The following TUSC3 variants were observed in gnomAD, a reference collection of about 807,000 sequenced individuals.
TUSC3 encodes tumor suppressor candidate 3, also known as dolichyl-diphosphooligosaccharide--protein glycosyltransferase subunit TUSC3.
In TUSC3, 45 loss-of-function variants were observed where a neutral mutation model predicts 44.8. The ratio of observed to expected loss-of-function variants is 1.00; its 90% CI spans 0.79 to 1.29. The LOEUF (loss-of-function observed/expected upper bound fraction) is 1.29, where lower values mean the gene tolerates loss of function less well. Among genes scored for constraint, TUSC3 ranks in the 50% most tolerant of loss-of-function variants. The pLI, the probability that TUSC3 is intolerant of heterozygous loss-of-function variation, is 0.00. For missense variants in TUSC3, 519 were observed against 437.9 expected (o/e 1.19, Z -1.65); for synonymous variants, 212 against 152.9 (o/e 1.39, Z -2.85).
At chr8:15,468,955 G>A (rs1182199081) in intron 1 of TUSC3, among the ~76,000 whole-genome samples, 1 of 151,254 alleles carries the variant, frequency 6.6e-6, no homozygotes, top group Non-Finnish European at 1.5e-5. Context: ...AAATAATGAG[G>A]GAGGCAGATG....
chr8:15,478,637 A>G (rs775619579), intron 1 of TUSC3, among the ~76,000 whole-genome samples: 2 of 152,166 alleles, frequency 1.3e-5, no homozygotes, highest in African/African-American at 2.4e-5. Context: ...ATAGTATTCC[A>G]TGATATATAT....
chr8:15,836,658 T>C, the TUSC3 span, among the ~76,000 whole-genome samples: 2 of 152,166 alleles, frequency 1.3e-5, no homozygotes, highest in Non-Finnish European at 2.9e-5. Flanking sequence ...TCCTATTATA[T>C]ATTAATCTAT....
the TUSC3 span, among the ~76,000 whole-genome samples, chr8:15,815,089 ATAAG>A: frequency 1.3e-5 from 2 of 152,202 alleles, no homozygotes; most frequent in African/African-American, 4.8e-5. Flanking sequence ...GTAATGAGAT[ATAAG>A]TAATGAGACA....
intron 1 of TUSC3, among the ~76,000 whole-genome samples, chr8:15,616,990 A>G (rs557989785): frequency 6.6e-5 from 10 of 152,258 alleles, no homozygotes; most frequent in Non-Finnish European, 1.5e-4. Flanking sequence ...CTTGCTGGCC[A>G]CAGAGATTTC....
At chr8:15,536,581 C>G (rs1331096383), upstream of TUSC3, among the ~76,000 whole-genome samples, 2 of 148,400 alleles carry the variant, frequency 1.3e-5, no homozygotes, top group African/African-American at 5.0e-5. Context: ...ACTCGGGAGG[C>G]TGAGGCAGGA....
intron 1 of TUSC3, among the ~76,000 whole-genome samples, chr8:15,559,663 C>G (rs1205086079): frequency 7.3e-6 from 1 of 136,728 alleles, no homozygotes; most frequent in Non-Finnish European, 1.6e-5. Flanking sequence ...TCACTCAGGA[C>G]TTGCTTTATG....
At chr8:15,840,731 T>C in the TUSC3 span, among the ~76,000 whole-genome samples, 1 of 152,162 alleles carries the variant, frequency 6.6e-6, no homozygotes, top group Non-Finnish European at 1.5e-5. Flanking sequence ...GAAAATTCCA[T>C]TGTGCTTATA....
chr8:15,839,703 T>C, the TUSC3 span, among the ~76,000 whole-genome samples: 71 of 152,156 alleles, frequency 4.7e-4, no homozygotes, highest in South Asian at 6.4e-3. Flanking sequence ...GTTAGAATGG[T>C]GATCATTAAA....
intron 2 of TUSC3, among the ~76,000 whole-genome samples, chr8:15,638,318 C>G (rs2129170635): frequency 6.6e-6 from 1 of 151,984 alleles, no homozygotes; most frequent in East Asian, 1.9e-4. Context: ...TCTTTTTATC[C>G]CAGTTACTGT....
intron 1 of TUSC3, among the ~76,000 whole-genome samples, chr8:15,561,036 G>A (rs1057349583): frequency 3.8e-5 from 5 of 133,296 alleles, no homozygotes; most frequent in Non-Finnish European, 8.0e-5. Flanking sequence ...GCTTTGTTCC[G>A]TTGTTGGTGA....
intron 1 of TUSC3, among the ~76,000 whole-genome samples, chr8:15,466,455 C>T (rs568240652): frequency 6.6e-6 from 1 of 151,906 alleles, no homozygotes; most frequent in South Asian, 2.1e-4. Flanking sequence ...AGATGAGTGC[C>T]CAATGTAGGA....
chr8:15,551,173 TTACA>T (rs1052256594), intron 1 of TUSC3, among the ~76,000 whole-genome samples: 1 of 151,692 alleles, frequency 6.6e-6, no homozygotes, highest in African/African-American at 2.4e-5. Flanking sequence ...TTCTCTGAAA[TTACA>T]TACATTTTCA....
At chr8:15,582,084 G>A (rs1160268532) in intron 1 of TUSC3, among the ~76,000 whole-genome samples, 2 of 151,830 alleles carry the variant, frequency 1.3e-5, no homozygotes, top group Non-Finnish European at 2.9e-5. Context: ...AGGTGCGTCT[G>A]TCACCCCTTT....
At chr8:15,597,383 A>C (rs1022651262) in intron 1 of TUSC3, among the ~76,000 whole-genome samples, 1 of 152,102 alleles carries the variant, frequency 6.6e-6, no homozygotes, top group African/African-American at 2.4e-5. Flanking sequence ...CCAGTTGGAC[A>C]CTGCATTCTT....
chr8:15,733,966 C>T (rs546574161), intron 7 of TUSC3, among the ~76,000 whole-genome samples: 89 of 152,266 alleles, frequency 5.8e-4, no homozygotes, highest in Admixed American at 4.6e-4. Flanking sequence ...ATCACTTGAG[C>T]CCGGGAGGTC....
the TUSC3 span, among the ~76,000 whole-genome samples, chr8:15,842,700 A>T: frequency 1.3e-5 from 2 of 152,166 alleles, no homozygotes; most frequent in Non-Finnish European, 2.9e-5. Flanking sequence ...AAAAACAGAA[A>T]AATTTTTGGT....
intron 1 of TUSC3, among the ~76,000 whole-genome samples, chr8:15,599,186 T>C (rs1295407107): frequency 6.6e-6 from 1 of 151,880 alleles, no homozygotes; most frequent in Non-Finnish European, 1.5e-5. Flanking sequence ...ACATGTAATG[T>C]GGAGGATCTT....
intron 1 of TUSC3, among the ~76,000 whole-genome samples, chr8:15,555,596 T>C (rs1802231873): frequency 1.3e-5 from 2 of 151,508 alleles, no homozygotes. Context: ...AAATGAGAAA[T>C]TGTTAGGCAG....
chr8:15,501,481 C>T (rs1222173385), intron 2 of TUSC3, among the ~76,000 whole-genome samples: 1 of 152,176 alleles, frequency 6.6e-6, no homozygotes, highest in African/African-American at 2.4e-5. Context: ...CATCTTAAAT[C>T]ACTAGTGCCT....
Sources: gnomAD v4.1 joint callset for allele counts (sites outside exome capture counted in the v4.1 genomes callset) on GRCh38, gnomAD v4.1.1 for gene constraint, MANE v1.5 for transcripts, NCBI Gene and HGNC (gene_info 2026-07-23, HGNC 2026-07-21) for gene names.